DPP10: variants seen among roughly 807,000 people sequenced by gnomAD.
DPP10 encodes the protein dipeptidyl peptidase like 10, also known as inactive dipeptidyl peptidase 10.
In DPP10, 33 loss-of-function variants were observed where a neutral mutation model predicts 120.9. The ratio of observed to expected loss-of-function variants is 0.27; its 90% CI spans 0.21 to 0.37. DPP10 has a LOEUF of 0.37. DPP10 is among the 10% of genes least tolerant of loss of function. The pLI is 1.00. For synonymous variants in DPP10, 337 were observed against 326.1 expected (o/e 1.03, Z -0.36); for missense variants, 816 against 942.8 (o/e 0.87, Z 1.76).
At chr2:115,261,178 A>G (rs1308108864) in intron 1 of DPP10, among the ~76,000 whole-genome samples, 1 of 152,238 alleles carries the variant, frequency 6.6e-6, no homozygotes, top group African/African-American at 2.4e-5. Context: ...GTCTTGCTCT[A>G]CATTCTAACT....
intron 11 of DPP10, among the ~76,000 whole-genome samples, chr2:115,757,013 C>T (rs562627725): frequency 3.0e-4 from 46 of 152,110 alleles, no homozygotes; most frequent in African/African-American, 1.1e-3. Context: ...CTAAATACTC[C>T]GTAAGATTTT....
chr2:115,071,912 C>T (rs1204030798), intron 1 of DPP10, among the ~76,000 whole-genome samples: 1 of 151,956 alleles, frequency 6.6e-6, no homozygotes, highest in Non-Finnish European at 1.5e-5. Context: ...AATTTCTTGG[C>T]AATGACACTG....
rs1265733789 is a variant in DPP10, at chr2:114,748,903, A to C, written c.60+306065A>C. ...CTTTATAGCAGCATGATTTATAGTCATTTGGGTATATACCCAGTAATGGGA... is the reference window on the plus strand; with the variant it reads ...CTTTATAGCAGCATGATTTATAGTCCTTTGGGTATATACCCAGTAATGGGA... On this transcript the variant is annotated intron_variant, in intron 1 of 25. Coordinates refer to ENST00000410059, the MANE Select transcript of DPP10 (RefSeq NM_020868.6). Among the ~76,000 whole-genome samples the C allele has an allele frequency of 6.2e-3, 679 of 109,156 alleles. 9 individuals carry two copies. Among genetic ancestry groups the C allele is most frequent in the African/African-American group, 0.024 (622 of 26,212 alleles). The allele number at this position is 109,156 out of a possible 152,430, so 71.6% of individuals were successfully genotyped here. A position where few individuals can be genotyped will look rare whatever the true frequency, so the allele number is the denominator to read the frequency against.
chr2:114,509,581 C>G (rs185302869), intron 1 of DPP10, among the ~76,000 whole-genome samples: 4 of 152,290 alleles, frequency 2.6e-5, no homozygotes, highest in Admixed American at 6.5e-5. Flanking sequence ...ATGAAGGAGA[C>G]AGCGTAGGGC....
intron 3 of DPP10, among the ~76,000 whole-genome samples, chr2:115,495,752 A>G (rs966391254): frequency 6.6e-6 from 1 of 152,192 alleles, no homozygotes; most frequent in African/African-American, 2.4e-5. Flanking sequence ...CAGGGTACAC[A>G]GGCCAGATAG....
chr2:114,694,824 T>C (rs1699975322), intron 1 of DPP10, among the ~76,000 whole-genome samples: 1 of 151,880 alleles, frequency 6.6e-6, no homozygotes, highest in Non-Finnish European at 1.5e-5. Flanking sequence ...CTCAACAGAC[T>C]GGTAAAGTGA....
chr2:115,544,174 A>G (rs1223431874), intron 5 of DPP10, among the ~76,000 whole-genome samples: 1 of 152,068 alleles, frequency 6.6e-6, no homozygotes, highest in African/African-American at 2.4e-5. Context: ...CACAAAAACC[A>G]TAATAAAAAT....
chr2:115,185,480 T>C (rs1440919793), intron 1 of DPP10, among the ~76,000 whole-genome samples: 1 of 152,170 alleles, frequency 6.6e-6, no homozygotes, highest in African/African-American at 2.4e-5. Flanking sequence ...AGATAACTCA[T>C]GGAATTTTAA....
At chr2:115,100,459 A>AACACAC (rs142076600) in intron 1 of DPP10, among the ~76,000 whole-genome samples, 52 of 150,464 alleles carry the variant, frequency 3.5e-4, no homozygotes, top group South Asian at 2.3e-3. Flanking sequence ...TAAATTAAAA[A>AACACAC]ACACACACAC....
At position 114,633,418 on chromosome 2, in the gene DPP10, A is replaced by T. The variant is rs1444650382; in HGVS notation, c.60+190580A>T. Among the ~76,000 whole-genome samples the T allele has an allele frequency of 1.3e-5, 2 of 149,524 alleles. 1 individual carries two copies. The highest frequency in any genetic ancestry group is 5.0e-5 in the African/African-American group (2 of 40,186). ...AGGCATGCACCATCACATCCAGCAA[A>T]TTTTTTGTATTTTTTTAGTAGAGAC... On this transcript the variant is annotated intron_variant, in intron 1 of 25. Coordinates refer to ENST00000410059, the MANE Select transcript of DPP10 (RefSeq NM_020868.6).
At position 114,517,210 on chromosome 2, in the gene DPP10, G is replaced by A. The variant is rs376492191; in HGVS notation, c.60+74372G>A. 2.6e-5 allele frequency among the ~76,000 whole-genome samples: 4 copies of A among 152,254 alleles called. No homozygotes were observed. The East Asian group carries it at 5.8e-4, about 22-fold the overall frequency. On this transcript the variant is annotated intron_variant, in intron 1 of 25. Transcript: ENST00000410059. ...CTAATCATTTCACGGACAAGTTCCAGTGGTATTTCTATTAAGAAATCAGGG... is the reference window on the plus strand; with the variant it reads ...CTAATCATTTCACGGACAAGTTCCAATGGTATTTCTATTAAGAAATCAGGG...
chr2:115,768,233 A>G lies in DPP10; in HGVS notation c.1114-64A>G, dbSNP rs1681033513. 6.5e-6 allele frequency: 9 copies of G among 1,384,002 alleles called. No homozygotes were observed. The East Asian group carries it at 2.1e-4, about 32-fold the overall frequency. The allele number at this position is 1,384,002 out of a possible 1,614,324, so 85.7% of individuals were successfully genotyped here. A position where few individuals can be genotyped will look rare whatever the true frequency, so the allele number is the denominator to read the frequency against. ...TGGTATAACCCATGCAGGAATTAACAGTAGTAGGCAGCACAGATTGCATGT... is the reference window on the plus strand; with the variant it reads ...TGGTATAACCCATGCAGGAATTAACGGTAGTAGGCAGCACAGATTGCATGT... On this transcript the variant is annotated intron_variant, in intron 12 of 25. Coordinates refer to ENST00000410059, the MANE Select transcript of DPP10 (RefSeq NM_020868.6).
At chr2:115,431,328 C>T (rs556294189) in intron 3 of DPP10, among the ~76,000 whole-genome samples, 4 of 152,134 alleles carry the variant, frequency 2.6e-5, no homozygotes, top group Admixed American at 6.5e-5. Flanking sequence ...AAGGAGTAGA[C>T]GACGAAGTGA....
intron 1 of DPP10, among the ~76,000 whole-genome samples, chr2:114,693,098 G>A (rs528857434): frequency 3.3e-5 from 5 of 152,102 alleles, no homozygotes; most frequent in Admixed American, 3.3e-4. Context: ...GTATTGTTAT[G>A]GGTGAATTTG....
chr2:115,561,785 T>C (rs971684217), intron 5 of DPP10, among the ~76,000 whole-genome samples: 5 of 152,186 alleles, frequency 3.3e-5, no homozygotes, highest in Non-Finnish European at 7.3e-5. Context: ...AAAATACAAG[T>C]TTATATGTAG....
intron 1 of DPP10, among the ~76,000 whole-genome samples, chr2:114,577,689 G>A (rs891894736): frequency 1.3e-5 from 2 of 152,052 alleles, no homozygotes; most frequent in Admixed American, 6.6e-5. Context: ...GTTCTCTCAC[G>A]GTTCTGGAGG....
At chr2:114,681,777 T>C (rs867797823) in intron 1 of DPP10, among the ~76,000 whole-genome samples, 50 of 152,220 alleles carry the variant, frequency 3.3e-4, no homozygotes, top group African/African-American at 1.2e-3. Context: ...CCTATTTTTA[T>C]TTCTTTGTCA....
chr2:114,505,816 A>G (rs981110295), intron 1 of DPP10, among the ~76,000 whole-genome samples: 1 of 152,014 alleles, frequency 6.6e-6, no homozygotes, highest in East Asian at 1.9e-4. Context: ...TCCTCTATCT[A>G]TGAACTTATA....
chr2:115,734,655 T>TAAAA (rs55950813), intron 8 of DPP10, among the ~76,000 whole-genome samples: 4 of 100,430 alleles, frequency 4.0e-5, no homozygotes, highest in African/African-American at 1.9e-4. Context: ...GACTCTGTCT[T>TAAAA]AAAAAAAAAA....
Sources: gnomAD v4.1 joint callset for allele counts (sites outside exome capture counted in the v4.1 genomes callset) on GRCh38, gnomAD v4.1.1 for gene constraint, MANE v1.5 for transcripts, NCBI Gene and HGNC (gene_info 2026-07-23, HGNC 2026-07-21) for gene names.